ANXA10: variants seen among roughly 807,000 people sequenced by gnomAD.
The protein encoded by ANXA10 is annexin A10.
Under a neutral mutation model 53.5 loss-of-function variants are expected in ANXA10, and 49 were observed. The observed-to-expected ratio is 0.92, with a 90% CI of 0.73 to 1.16. ANXA10 has a LOEUF of 1.16. Ranked by LOEUF, ANXA10 falls within the 50% of genes most tolerant of loss-of-function variation. The pLI, the probability that ANXA10 is intolerant of heterozygous loss-of-function variation, is 0.00. For missense variants in ANXA10, 393 were observed against 394.4 expected, an observed-to-expected ratio of 1.00 and a Z score of 0.03; for synonymous variants, 131 against 128.9, an observed-to-expected ratio of 1.02 and a Z score of -0.11.
At chr4:168,168,802 T>C (rs1431581655) in intron 6 of ANXA10, among the ~76,000 whole-genome samples, 2 of 152,236 alleles carry the variant, frequency 1.3e-5, no homozygotes, top group African/African-American at 2.4e-5. Flanking sequence ...GGTAAAGACA[T>C]GTTTGTCAAT....
intron 6 of ANXA10, among the ~76,000 whole-genome samples, chr4:168,169,519 T>C (rs1168526145): frequency 6.6e-6 from 1 of 152,166 alleles, no homozygotes; most frequent in Non-Finnish European, 1.5e-5. Context: ...CCATAGGTGT[T>C]GATCCCAAGA....
intron 3 of ANXA10, among the ~76,000 whole-genome samples, chr4:168,156,877 A>G (rs1731694275): frequency 6.6e-6 from 1 of 152,050 alleles, no homozygotes; most frequent in African/African-American, 2.4e-5. Flanking sequence ...TCCAAACAGG[A>G]GACTCTATTA....
At position 168,094,588 on chromosome 4, in the gene ANXA10, G is replaced by T. The variant is rs973335759; in HGVS notation, c.18+1870G>T. ...AATGTGGGTAGTAATTGACTGAGTT[G>T]TTTGTTAAAGATATGTCCCTAGATC... is the stretch of plus-strand genomic sequence containing the variant. On this transcript the variant is annotated intron_variant, in intron 1 of 11. Transcript: ENST00000359299. 6.6e-5 allele frequency among the ~76,000 whole-genome samples: 10 copies of T among 152,040 alleles called. No individual in the cohort carries two copies. The South Asian group carries it at 2.1e-3, about 32-fold the overall frequency.
chr4:168,096,149 T>G (rs1254108636), intron 1 of ANXA10, among the ~76,000 whole-genome samples: 1 of 152,154 alleles, frequency 6.6e-6, no homozygotes, highest in Non-Finnish European at 1.5e-5. Flanking sequence ...TGACAAGACA[T>G]CTCATGGGAG....
chr4:168,182,937 G>A (rs1188260842), intron 10 of ANXA10, among the ~76,000 whole-genome samples: 2 of 148,556 alleles, frequency 1.3e-5, no homozygotes, highest in South Asian at 2.1e-4. Flanking sequence ...CTGAACCCTG[G>A]AGGCGGAGCT....
chr4:168,156,219 A>ATT (rs1560784569), intron 3 of ANXA10, among the ~76,000 whole-genome samples: 1 of 21,564 alleles, frequency 4.6e-5, no homozygotes, highest in African/African-American at 2.2e-4. Context: ...TATTATATGT[A>ATT]ATATGTATTA....
intron 1 of ANXA10, among the ~76,000 whole-genome samples, chr4:168,093,892 T>A (rs1393952162): frequency 6.6e-6 from 1 of 152,172 alleles, no homozygotes; most frequent in Non-Finnish European, 1.5e-5. Flanking sequence ...CTTAATTTCA[T>A]CTTAAGATTT....
At chr4:168,136,954 G>A (rs1451870264) in intron 2 of ANXA10, among the ~76,000 whole-genome samples, 1 of 152,288 alleles carries the variant, frequency 6.6e-6, no homozygotes, top group Non-Finnish European at 1.5e-5. Context: ...CTCAACTCTT[G>A]CTGTCCATGC....
chr4:168,105,401 C>A (rs1042872517), intron 1 of ANXA10, among the ~76,000 whole-genome samples: 1 of 151,986 alleles, frequency 6.6e-6, no homozygotes, highest in Non-Finnish European at 1.5e-5. Context: ...GTTTGCTAAG[C>A]ATAATGGCCT....
intron 3 of ANXA10, among the ~76,000 whole-genome samples, chr4:168,159,123 T>C (rs1167049217): frequency 2.6e-5 from 4 of 152,194 alleles, no homozygotes; most frequent in Non-Finnish European, 5.9e-5. Flanking sequence ...CAACACAAAG[T>C]GGACTAACAC....
intron 6 of ANXA10, among the ~76,000 whole-genome samples, chr4:168,172,145 A>G (rs1474930314): frequency 1.3e-5 from 2 of 152,204 alleles, no homozygotes; most frequent in African/African-American, 4.8e-5. Context: ...TCAATTAAAC[A>G]TACCATGTGG....
intron 6 of ANXA10, 65 bp from the exon 7 acceptor site, chr4:168,177,675 T>C: frequency 6.7e-7 from 1 of 1,494,632 alleles, no homozygotes; most frequent in South Asian, 1.1e-5. Flanking sequence ...GATTTCAGTC[T>C]CACTAATCCA....
intron 5 of ANXA10, among the ~76,000 whole-genome samples, chr4:168,164,833 C>CACACAAT (rs1731846523): frequency 6.6e-6 from 1 of 152,134 alleles, no homozygotes; most frequent in Non-Finnish European, 1.5e-5. Flanking sequence ...ATGTTGCGGA[C>CACACAAT]AGTCATCTCT....
At chr4:168,172,036 T>C (rs1457058993) in intron 6 of ANXA10, among the ~76,000 whole-genome samples, 8 of 152,218 alleles carry the variant, frequency 5.3e-5, no homozygotes, top group African/African-American at 1.9e-4. Context: ...CCAAATATTT[T>C]CACCCACATC....
intron 3 of ANXA10, among the ~76,000 whole-genome samples, chr4:168,155,794 A>T (rs377654487): frequency 0.024 from 593 of 25,032 alleles, 155 homozygotes; most frequent in Middle Eastern, 0.11. Context: ...TATTATATAT[A>T]ATATATAATA....
rs778545616 is a variant in ANXA10 at position 168,184,664 on chromosome 4, C to G, written c.889C>G (p.Leu297Val). 3.1e-6 allele frequency: 5 copies of G among 1,613,982 alleles called. No individual in the cohort carries two copies. The South Asian group carries it at 4.4e-5, about 14-fold the overall frequency. Residue 297 changes from leucine to valine, a missense_variant, in exon 11 of 12, where the codon CTA becomes GTA. Physicochemically the swap from Leu to Val is conservative, Grantham distance 32. Coordinates refer to ENST00000359299, the MANE Select transcript of ANXA10 (RefSeq NM_007193.5). Reference sequence around the variant, plus strand: ...ATACAAAGAGCGATATGGAAAATCCCTATTTCATGATATCAGAGTAAGTTT... The same window carrying G: ...ATACAAAGAGCGATATGGAAAATCCGTATTTCATGATATCAGAGTAAGTTT... ...KRYKERYGKS[L>V]FHDIRNFASG...
At chr4:168,149,444 T>C (rs911326098) in intron 3 of ANXA10, among the ~76,000 whole-genome samples, 6 of 152,368 alleles carry the variant, frequency 3.9e-5, no homozygotes, top group African/African-American at 1.4e-4. Context: ...TTATTTGCTT[T>C]CTTTAAAAAG....
intron 1 of ANXA10, among the ~76,000 whole-genome samples, chr4:168,105,959 T>C (rs1730713888): frequency 6.6e-6 from 1 of 152,050 alleles, no homozygotes; most frequent in Admixed American, 6.6e-5. Flanking sequence ...TTTTGGAGTG[T>C]TTCACACATA....
chr4:168,143,413 C>T (rs1056010919), intron 3 of ANXA10, among the ~76,000 whole-genome samples: 2 of 152,236 alleles, frequency 1.3e-5, no homozygotes, highest in African/African-American at 4.8e-5. Flanking sequence ...TCTTACTTGA[C>T]ATTTTACATT....
Sources: gnomAD v4.1 joint callset for allele counts (sites outside exome capture counted in the v4.1 genomes callset) on GRCh38, gnomAD v4.1.1 for gene constraint, MANE v1.5 for transcripts, NCBI Gene and HGNC (gene_info 2026-07-23, HGNC 2026-07-21) for gene names.